Variants in ALKBH3 observed in about 807,000 individuals in gnomAD.
The protein encoded by ALKBH3 is alpha-ketoglutarate-dependent dioxygenase alkB homolog 3.
A neutral mutation model predicts 43.9 loss-of-function variants in ALKBH3; 51 were observed. The observed-to-expected ratio is 1.16, with a 90% confidence interval of 0.93 to 1.47. ALKBH3 has a LOEUF of 1.47. ALKBH3 is among the 40% of genes most tolerant of loss of function. ALKBH3 has a pLI of 0.00. For synonymous variants in ALKBH3, 102 were observed against 115.2 expected (o/e 0.89, Z 0.73); for missense variants, 361 against 351.9 (o/e 1.03, Z -0.21).
intron 7 of ALKBH3, among the ~76,000 whole-genome samples, chr11:43,900,901 A>G (rs1951859195): frequency 6.6e-6 from 1 of 152,210 alleles, no homozygotes; most frequent in East Asian, 1.9e-4. Flanking sequence ...TTGATGGCTC[A>G]TATACTTGTC....
intron 5 of ALKBH3, among the ~76,000 whole-genome samples, chr11:43,888,935 A>T (rs896457153): frequency 2.6e-5 from 4 of 152,278 alleles, no homozygotes; most frequent in African/African-American, 9.6e-5. Context: ...TGATACAGTC[A>T]TAATGAGCTG....
chr11:43,908,827 C>T (rs1340185689), intron 8 of ALKBH3, among the ~76,000 whole-genome samples: 1 of 152,134 alleles, frequency 6.6e-6, no homozygotes, highest in Non-Finnish European at 1.5e-5. Context: ...GGCAGTAGTC[C>T]GCCTGGTAGT....
At chr11:43,917,717 C>T (rs1339611361) in intron 8 of ALKBH3, among the ~76,000 whole-genome samples, 1 of 152,144 alleles carries the variant, frequency 6.6e-6, no homozygotes, top group South Asian at 2.1e-4. Context: ...GCAGGGTCAC[C>T]TTCCCACTGC....
In ALKBH3 at chr11:43,892,133, T is replaced by C. The variant is rs1288463113; in HGVS notation, c.459+4T>C. 6.3e-7 allele frequency: 1 copy of C among 1,595,396 alleles called. No individual in the cohort carries two copies. The highest frequency in any genetic ancestry group is 2.2e-5 in the East Asian group (1 of 44,796). On this transcript the variant is annotated splice_donor_region_variant and intron_variant, in intron 7 of 9. Transcript: ENST00000302708. ...CACTATGGAACCAAATCCTCACGTA[T>C]GTCAACATATTGTCATTGGTATGGT... is the stretch of plus-strand genomic sequence containing the variant.
At chr11:43,891,930 T>C (rs2135182725) in intron 6 of ALKBH3, 111 bp from the exon 7 acceptor site, 2 of 780,888 alleles carry the variant, frequency 2.6e-6, no homozygotes, top group East Asian at 5.4e-5. Flanking sequence ...AGCCCATTCT[T>C]ACTTTTCTTT....
chr11:43,885,123 A>G (rs1951738360), intron 4 of ALKBH3, among the ~76,000 whole-genome samples: 1 of 152,180 alleles, frequency 6.6e-6, no homozygotes, highest in South Asian at 2.1e-4. Context: ...CAAAACCATG[A>G]AACATGTTGT....
intron 4 of ALKBH3, 101 bp downstream of exon 4, chr11:43,884,118 T>G: frequency 7.2e-7 from 1 of 1,380,656 alleles, no homozygotes; most frequent in South Asian, 1.2e-5. Flanking sequence ...AATGGCCCAA[T>G]AAGTGTCTTA....
Position 43,901,562 on chromosome 11 carries a change from C to T in ALKBH3, c.506C>T (p.Thr169Ile). 1.2e-6 allele frequency: 2 copies of T among 1,614,220 alleles called. No homozygotes were observed. Among genetic ancestry groups the T allele is most frequent in the Non-Finnish European group, 1.7e-6 (2 of 1,180,048 alleles). Residue 169 changes from threonine (T) to isoleucine (I), a missense_variant, in exon 8 of 10, where the codon ACT (threonine) becomes ATT (isoleucine). Physicochemically the swap from Thr to Ile is moderately conservative, Grantham distance 89. Coordinates refer to ENST00000302708, the MANE Select transcript of ALKBH3 (RefSeq NM_139178.4). ...RTLKNRIEENTGHTFNSLLCN... is the reference protein window; with the variant it reads ...RTLKNRIEENIGHTFNSLLCN... ...CTAAAGAACCGCATTGAAGAGAACA[C>T]TGGCCACACCTTCAACTCCTTACTC...
intron 7 of ALKBH3, among the ~76,000 whole-genome samples, chr11:43,896,301 G>GTA (rs1181616813): frequency 2.2e-5 from 3 of 136,378 alleles, no homozygotes; most frequent in Non-Finnish European, 3.1e-5. Flanking sequence ...ACACACACAC[G>GTA]TATATATATA....
intron 8 of ALKBH3, chr11:43,909,202 T>A (rs931106662): frequency 6.6e-6 from 1 of 152,242 alleles, no homozygotes; most frequent in Non-Finnish European, 1.5e-5. Flanking sequence ...CAGCTTCTGT[T>A]TTTAAAGTAA....
chr11:43,914,641 AAAT>A (rs1951968096), intron 8 of ALKBH3, among the ~76,000 whole-genome samples: 1 of 152,234 alleles, frequency 6.6e-6, no homozygotes, highest in African/African-American at 2.4e-5. Context: ...CTAAGCATAA[AAAT>A]CATGAAGACG....
At chr11:43,916,469 C>T (rs1353716614) in intron 8 of ALKBH3, among the ~76,000 whole-genome samples, 1 of 152,192 alleles carries the variant, frequency 6.6e-6, no homozygotes, top group Non-Finnish European at 1.5e-5. Flanking sequence ...AAAACCCACC[C>T]TGTAGCTTGA....
intron 7 of ALKBH3, chr11:43,898,278 C>G (rs928716438): frequency 2.7e-6 from 2 of 750,994 alleles, no homozygotes; most frequent in African/African-American, 3.4e-5. Context: ...TTCTTCAGTT[C>G]CTATGTGCAT....
intron 4 of ALKBH3, among the ~76,000 whole-genome samples, 190 bp downstream of exon 4, chr11:43,884,207 A>G (rs1951732601): frequency 6.6e-6 from 1 of 152,222 alleles, no homozygotes; most frequent in Admixed American, 6.5e-5. Flanking sequence ...TGCTGATAGT[A>G]TTGAAAATGC....
chr11:43,901,582 T>G lies in ALKBH3; in HGVS notation c.526T>G (p.Leu176Val), dbSNP rs1951864387. The change falls in exon 8 of 10, where the codon TTA becomes GTA. Residue 176 changes from leucine to valine, a missense_variant. Leu to Val is a conservative substitution (Grantham distance 32). Coordinates refer to ENST00000302708, the MANE Select transcript of ALKBH3 (RefSeq NM_139178.4). ...EENTGHTFNSLLCNLYRNEKD... is the reference protein window; with the variant it reads ...EENTGHTFNSVLCNLYRNEKD... Reference sequence around the variant, plus strand: ...GAACACTGGCCACACCTTCAACTCCTTACTCTGCAATCTTTATCGCAATGA... The same window carrying G: ...GAACACTGGCCACACCTTCAACTCCGTACTCTGCAATCTTTATCGCAATGA... The G allele has an allele frequency of 1.2e-6, 2 of 1,614,246 alleles. No individual in the cohort carries two copies. The highest frequency in any genetic ancestry group is 1.7e-6 in the Non-Finnish European group (2 of 1,180,046).
chr11:43,900,249 A>G (rs143661928), intron 7 of ALKBH3, among the ~76,000 whole-genome samples: 6,906 of 102,278 alleles, frequency 0.068, 411 homozygotes, highest in Admixed American at 0.27. Context: ...TTTGCGACAG[A>G]GTCTCGCTCT....
Position 43,901,585 on chromosome 11 carries a change from C to G in ALKBH3, c.529C>G (p.Leu177Val). Residue 177 changes from leucine to valine, a missense_variant, in exon 8 of 10, where the codon CTC becomes GTC. Physicochemically the swap from Leu to Val is conservative, Grantham distance 32 (BLOSUM62 1). Transcript: ENST00000302708. ...ENTGHTFNSL[L>V]CNLYRNEKDS... ...CACTGGCCACACCTTCAACTCCTTACTCTGCAATCTTTATCGCAATGAGAA... is the reference window on the plus strand; with the variant it reads ...CACTGGCCACACCTTCAACTCCTTAGTCTGCAATCTTTATCGCAATGAGAA... 6.2e-7 allele frequency: 1 copy of G among 1,614,254 alleles called. No homozygotes were observed. Among genetic ancestry groups the G allele is most frequent in the Non-Finnish European group, 8.5e-7 (1 of 1,180,046 alleles).
intron 8 of ALKBH3, among the ~76,000 whole-genome samples, chr11:43,908,857 TGA>T (rs1231727133): frequency 6.6e-6 from 1 of 152,228 alleles, no homozygotes; most frequent in Non-Finnish European, 1.5e-5. Flanking sequence ...CGATGCCTGC[TGA>T]GAGAGCTTGT....
intron 8 of ALKBH3, among the ~76,000 whole-genome samples, chr11:43,907,539 G>A (rs184636837): frequency 6.6e-6 from 1 of 152,198 alleles, no homozygotes; most frequent in Admixed American, 6.5e-5. Context: ...TTTAAACTTT[G>A]CCCCAGTGGT....
Sources: allele counts gnomAD v4.1 joint callset (sites outside exome capture counted in the v4.1 genomes callset), GRCh38; gene constraint gnomAD v4.1.1; transcripts MANE v1.5; gene names NCBI Gene and HGNC (gene_info 2026-07-23, HGNC 2026-07-21).